VPS13B: variants seen among roughly 807,000 people sequenced by gnomAD.
The protein encoded by VPS13B is intermembrane lipid transfer protein VPS13B.
Under a neutral mutation model 426.4 loss-of-function variants are expected in VPS13B, and 285 were observed. The observed-to-expected ratio is 0.67, with a 90% CI of 0.61 to 0.74. The LOEUF is 0.74. Among genes scored for constraint, VPS13B ranks in the 30% least tolerant of loss-of-function variants. The pLI is 0.00. For synonymous variants in VPS13B, 1,676 were observed against 1,676.4 expected, an observed-to-expected ratio of 1.00 and a Z score of 0.01; for missense variants, 4,537 against 4,782.6, an observed-to-expected ratio of 0.95 and a Z score of 1.51.
chr8:99,525,671 A>G (rs1822604359), intron 30 of VPS13B, among the ~76,000 whole-genome samples: 1 of 152,216 alleles, frequency 6.6e-6, no homozygotes, highest in Non-Finnish European at 1.5e-5. Flanking sequence ...TTACAAAAGA[A>G]AGAAAAATCC....
At chr8:99,803,200 G>A (rs942296632) in intron 43 of VPS13B, among the ~76,000 whole-genome samples, 5 of 152,108 alleles carry the variant, frequency 3.3e-5, no homozygotes, top group African/African-American at 1.2e-4. Flanking sequence ...TTTATATAAG[G>A]ATTACCTTTC....
intron 16 of VPS13B, among the ~76,000 whole-genome samples, chr8:99,179,210 A>T (rs1364272692): frequency 3.9e-5 from 6 of 151,928 alleles, no homozygotes; most frequent in Non-Finnish European, 1.5e-5. Context: ...TCCTTTCTTG[A>T]TACTTTAAGA....
intron 33 of VPS13B, among the ~76,000 whole-genome samples, chr8:99,639,597 TCTTGA>T (rs761565628): frequency 9.3e-4 from 141 of 151,046 alleles, no homozygotes; most frequent in African/African-American, 3.2e-3. Context: ...TACCTCACTT[TCTTGA>T]CTTATTTATT....
chr8:99,146,741 CT>C (rs895709424), intron 13 of VPS13B, among the ~76,000 whole-genome samples: 3 of 151,950 alleles, frequency 2.0e-5, no homozygotes, highest in Non-Finnish European at 2.9e-5. Context: ...CCCAGCTAAT[CT>C]TTGTTTTTTT....
chr8:99,096,434 T>C lies in VPS13B; in HGVS notation c.412+2T>C, dbSNP rs746521429. 1 of 1,613,868 alleles carries C rather than the reference T, an allele frequency of 6.2e-7. No homozygotes were observed. Among genetic ancestry groups the C allele is most frequent in the East Asian group, 2.2e-5 (1 of 44,850 alleles). On this transcript the variant is annotated splice_donor_variant, in intron 4 of 61. Coordinates refer to ENST00000357162, the MANE Select transcript of VPS13B (RefSeq NM_152564.5). LOFTEE classifies it high-confidence loss of function. ...CTACAGATCCTGACTTACCACCAGG[T>C]AACTTCTAATGGGATCAATAAAACC...
chr8:99,778,158 G>C (rs1811833604), intron 41 of VPS13B, among the ~76,000 whole-genome samples: 1 of 151,574 alleles, frequency 6.6e-6, no homozygotes, highest in South Asian at 2.1e-4. Flanking sequence ...CTTGAACCCA[G>C]GAGGCAGAGG....
chr8:99,480,730 T>G (rs1048672410), intron 24 of VPS13B, among the ~76,000 whole-genome samples: 1 of 152,196 alleles, frequency 6.6e-6, no homozygotes, highest in Non-Finnish European at 1.5e-5. Flanking sequence ...TTGACAATAG[T>G]GTTTTTATGC....
intron 23 of VPS13B, among the ~76,000 whole-genome samples, chr8:99,459,915 G>A (rs1818737277): frequency 6.6e-6 from 1 of 151,956 alleles, no homozygotes; most frequent in South Asian, 2.1e-4. Context: ...ATTAATTATA[G>A]CTACTTCAGC....
intron 31 of VPS13B, among the ~76,000 whole-genome samples, chr8:99,559,661 G>A (rs1205511607): frequency 1.3e-5 from 2 of 152,136 alleles, no homozygotes; most frequent in Non-Finnish European, 2.9e-5. Context: ...TATTATATAG[G>A]AAATCCTTTC....
At chr8:99,460,487 A>G (rs1044276884) in intron 23 of VPS13B, among the ~76,000 whole-genome samples, 2 of 152,162 alleles carry the variant, frequency 1.3e-5, no homozygotes, top group African/African-American at 4.8e-5. Context: ...ACTTAAGAGA[A>G]GAAATGATGA....
chr8:99,274,377 G>C, intron 18 of VPS13B, 45 bp downstream of exon 18: 1 of 1,613,800 alleles, frequency 6.2e-7, no homozygotes, highest in Non-Finnish European at 8.5e-7. Context: ...CTGTATAGGA[G>C]AATTGGCCTT....
chr8:99,635,970 A>G (rs1829050336), intron 33 of VPS13B, among the ~76,000 whole-genome samples: 1 of 151,998 alleles, frequency 6.6e-6, no homozygotes, highest in African/African-American at 2.4e-5. Flanking sequence ...ACAGTTGGTT[A>G]GCTACCAGTA....
chr8:99,026,680 C>T (rs774164932), intron 2 of VPS13B, among the ~76,000 whole-genome samples: 1 of 152,008 alleles, frequency 6.6e-6, no homozygotes, highest in Non-Finnish European at 1.5e-5. Context: ...AAATTGACTT[C>T]ATTATTATTA....
At chr8:99,324,408 T>G (rs1468282205) in intron 19 of VPS13B, among the ~76,000 whole-genome samples, 3 of 152,192 alleles carry the variant, frequency 2.0e-5, no homozygotes, top group Non-Finnish European at 4.4e-5. Context: ...CAGATTTTAT[T>G]CCACTGGACC....
At chr8:99,029,110 C>G (rs568828080) in intron 2 of VPS13B, among the ~76,000 whole-genome samples, 3 of 148,776 alleles carry the variant, frequency 2.0e-5, no homozygotes, top group South Asian at 2.1e-4. Context: ...GGGTTGCGGC[C>G]GGGCAGAGGC....
In VPS13B at chr8:99,147,758, T is replaced by C. The variant is rs1435605026; in HGVS notation, c.1844-83T>C. ...GAAAAACAGGATTTGACCTTATAGTTTGGAGAACTAATTCATTTTTCAGTT... is the reference window on the plus strand; with the variant it reads ...GAAAAACAGGATTTGACCTTATAGTCTGGAGAACTAATTCATTTTTCAGTT... On this transcript the variant is annotated intron_variant, in intron 13 of 61. Coordinates refer to ENST00000357162, the MANE Select transcript of VPS13B (RefSeq NM_152564.5). 7.5e-6 allele frequency: 7 copies of C among 927,216 alleles called. No individual in the cohort carries two copies. The East Asian group carries it at 2.0e-4, about 26-fold the overall frequency. 57.4% of individuals were successfully genotyped at this position (927,216 alleles called of 1,614,324 possible).
intron 2 of VPS13B, among the ~76,000 whole-genome samples, chr8:99,020,033 A>AT (rs1051529347): frequency 5.3e-5 from 8 of 152,124 alleles, no homozygotes; most frequent in Non-Finnish European, 8.8e-5. Context: ...TCTGTGTTTA[A>AT]TTTTTTGAGG....
intron 30 of VPS13B, among the ~76,000 whole-genome samples, chr8:99,555,584 A>C (rs1213042131): frequency 6.6e-6 from 1 of 152,108 alleles, no homozygotes; most frequent in African/African-American, 2.4e-5. Flanking sequence ...ACTTTTCTGA[A>C]CCAACAAAAC....
intron 3 of VPS13B, among the ~76,000 whole-genome samples, chr8:99,048,707 CAG>C (rs1230763534): frequency 1.3e-5 from 2 of 151,812 alleles, no homozygotes; most frequent in Non-Finnish European, 2.9e-5. Context: ...CCCAGCCACT[CAG>C]GGGGCTGAGG....
Sources: allele counts gnomAD v4.1 joint callset (sites outside exome capture counted in the v4.1 genomes callset), GRCh38; gene constraint gnomAD v4.1.1; transcripts MANE v1.5; gene names NCBI Gene and HGNC (gene_info 2026-07-23, HGNC 2026-07-21).